The following USH2A variants were observed in gnomAD, a reference collection of about 807,000 sequenced individuals.
The protein encoded by USH2A is usherin.
A neutral mutation model predicts 538.9 loss-of-function variants in USH2A; 443 were observed. That is an observed-to-expected ratio of 0.82 (90% CI 0.76 to 0.89). The LOEUF is 0.89. USH2A is among the 40% of genes least tolerant of loss of function. The pLI, the probability that USH2A is intolerant of heterozygous loss-of-function variation, is 0.00. For synonymous variants in USH2A, 2,413 were observed against 2,273.5 expected, an observed-to-expected ratio of 1.06 and a Z score of -1.75; for missense variants, 6,633 against 6,324.8, an observed-to-expected ratio of 1.05 and a Z score of -1.65.
At chr1:216,182,249 T>C (rs549963110) in intron 20 of USH2A, among the ~76,000 whole-genome samples, 8 of 152,232 alleles carry the variant, frequency 5.3e-5, no homozygotes, top group African/African-American at 1.9e-4. Context: ...TGCAGTTTTT[T>C]AGGGCGTATC....
intron 4 of USH2A, among the ~76,000 whole-genome samples, chr1:216,355,255 A>T (rs1292838026): frequency 6.6e-6 from 1 of 151,508 alleles, no homozygotes; most frequent in Non-Finnish European, 1.5e-5. Flanking sequence ...GTGAGCCAAG[A>T]TCGCACCACT....
intron 21 of USH2A, among the ~76,000 whole-genome samples, chr1:216,136,422 A>T (rs2102606795): frequency 6.6e-6 from 1 of 152,306 alleles, no homozygotes; most frequent in African/African-American, 2.4e-5. Flanking sequence ...CTGTGTTTGC[A>T]AAATTATAAT....
chr1:216,388,586 A>C (rs748031051), intron 3 of USH2A, among the ~76,000 whole-genome samples: 3 of 152,238 alleles, frequency 2.0e-5, no homozygotes, highest in Non-Finnish European at 2.9e-5. Flanking sequence ...ACAAGAAAAC[A>C]TATCACTTTT....
chr1:215,958,139 T>C (rs1334633196), intron 37 of USH2A, among the ~76,000 whole-genome samples: 2 of 152,058 alleles, frequency 1.3e-5, no homozygotes, highest in African/African-American at 2.4e-5. Flanking sequence ...CTGTATATTT[T>C]TTTTCCATCT....
At chr1:216,183,111 C>A (rs1327322154) in intron 20 of USH2A, among the ~76,000 whole-genome samples, 1 of 152,036 alleles carries the variant, frequency 6.6e-6, no homozygotes, top group East Asian at 1.9e-4. Context: ...ATCTCTCATC[C>A]AACTCATTTT....
At chr1:215,681,061 A>G (rs1341256155) in intron 61 of USH2A, among the ~76,000 whole-genome samples, 1 of 152,222 alleles carries the variant, frequency 6.6e-6, no homozygotes, top group African/African-American at 2.4e-5. Flanking sequence ...AGTAATTGTT[A>G]GCTAGGCTTG....
chr1:215,755,901 G>GA lies in USH2A; in HGVS notation c.11389+2693dup, dbSNP rs199749124. On this transcript the variant is annotated intron_variant, in intron 58 of 71. Transcript: ENST00000307340. ...ATTTAAGTGTGATATTGAATTCAAA[G>GA]AAAAAAATGACACGCTGGGAAATTT... Among the ~76,000 whole-genome samples, 1,051 of 152,056 alleles carry GA rather than the reference G, an allele frequency of 6.9e-3. 12 individuals are homozygous for GA. Among genetic ancestry groups the GA allele is most frequent in the African/African-American group, 0.024 (995 of 41,520 alleles).
chr1:215,661,419 C>T (rs1427794181), intron 64 of USH2A, among the ~76,000 whole-genome samples: 2 of 152,188 alleles, frequency 1.3e-5, no homozygotes, highest in Non-Finnish European at 2.9e-5. Context: ...CTTCCATTGT[C>T]CCTGCAGGCC....
chr1:216,285,244 C>CA (rs1438361513), intron 11 of USH2A, among the ~76,000 whole-genome samples: 1 of 152,200 alleles, frequency 6.6e-6, no homozygotes, highest in Non-Finnish European at 1.5e-5. Flanking sequence ...AGGGCCCCCC[C>CA]ACTGTGTGCA....
intron 1 of USH2A, 115 bp downstream of exon 1, chr1:216,423,099 G>T (rs1193281030): frequency 6.6e-6 from 1 of 152,104 alleles, no homozygotes; most frequent in South Asian, 2.1e-4. Context: ...TCTGTCCTAT[G>T]CTTTAATATT....
chr1:215,790,054 A>G lies in USH2A; in HGVS notation c.10182+5T>C, dbSNP rs1049628868. On this transcript the variant is annotated splice_donor_5th_base_variant and intron_variant, in intron 51 of 71. Coordinates refer to ENST00000307340, the MANE Select transcript of USH2A (RefSeq NM_206933.4). ...AGCGCCTCCGAGAGCTTTTCTATCA[A>G]TTACCTTCATCATCATTCCAGTTGA... 3.1e-6 allele frequency: 5 copies of G among 1,612,528 alleles called. No individual in the cohort carries two copies. The highest frequency in any genetic ancestry group is 1.7e-5 in the Admixed American group (1 of 59,920).
chr1:216,169,646 G>C (rs1437815157), intron 21 of USH2A, among the ~76,000 whole-genome samples: 2 of 152,096 alleles, frequency 1.3e-5, no homozygotes, highest in African/African-American at 2.4e-5. Context: ...CTTGTCCTCA[G>C]TCCAAACTGA....
At chr1:215,627,911 G>A (rs1366283213) in intron 71 of USH2A, among the ~76,000 whole-genome samples, 1 of 152,172 alleles carries the variant, frequency 6.6e-6, no homozygotes, top group Non-Finnish European at 1.5e-5. Flanking sequence ...AAATTTGATA[G>A]TTGGCAAAAA....
chr1:216,214,952 T>C (rs1239202295), intron 15 of USH2A, among the ~76,000 whole-genome samples: 2 of 152,024 alleles, frequency 1.3e-5, no homozygotes, highest in Non-Finnish European at 2.9e-5. Flanking sequence ...AATAGGACTA[T>C]TTAATTTATG....
chr1:215,985,877 T>C (rs1667861314), intron 35 of USH2A, among the ~76,000 whole-genome samples: 1 of 152,042 alleles, frequency 6.6e-6, no homozygotes, highest in Non-Finnish European at 1.5e-5. Context: ...TTAAATAACG[T>C]TCTATTGTCT....
chr1:215,935,561 A>T (rs1666471393), intron 37 of USH2A, among the ~76,000 whole-genome samples: 1 of 151,984 alleles, frequency 6.6e-6, no homozygotes, highest in East Asian at 1.9e-4. Flanking sequence ...ACCCATTCTT[A>T]AATCTCATCA....
chr1:216,139,850 T>C (rs905560720), intron 21 of USH2A, among the ~76,000 whole-genome samples: 13 of 152,204 alleles, frequency 8.5e-5, no homozygotes, highest in South Asian at 2.1e-4. Context: ...TATATATTTG[T>C]ATTGCCTCCA....
At chr1:216,335,564 G>C (rs1455444618) in intron 4 of USH2A, among the ~76,000 whole-genome samples, 1 of 151,392 alleles carries the variant, frequency 6.6e-6, no homozygotes, top group African/African-American at 2.4e-5. Flanking sequence ...TGACTCTAAT[G>C]ATTAAAATCA....
chr1:215,758,781 G>C (rs779328240), intron 57 of USH2A, 29 bp from the exon 58 acceptor site: 3 of 1,607,128 alleles, frequency 1.9e-6, no homozygotes, highest in Non-Finnish European at 2.6e-6. Flanking sequence ...AAGAATTGTG[G>C]TAAGGCCATG....
Sources: allele counts gnomAD v4.1 joint callset (sites outside exome capture counted in the v4.1 genomes callset), GRCh38; gene constraint gnomAD v4.1.1; transcripts MANE v1.5; gene names NCBI Gene and HGNC (gene_info 2026-07-23, HGNC 2026-07-21).